Variants in SIN3B observed in about 807,000 individuals in gnomAD.
SIN3B encodes the protein SIN3 transcription regulator family member B, also known as paired amphipathic helix protein Sin3b.
In SIN3B, 19 loss-of-function variants were observed where a neutral mutation model predicts 120.2. The ratio of observed to expected loss-of-function variants is 0.16; its 90% CI spans 0.11 to 0.23. The LOEUF is 0.23. Ranked by LOEUF, SIN3B falls within the 10% of genes least tolerant of loss-of-function variation. SIN3B has a pLI of 1.00. For synonymous variants in SIN3B, 654 were observed against 653.2 expected (o/e 1.00, Z -0.02); for missense variants, 1,073 against 1,573.0 (o/e 0.68, Z 5.38).
rs1431052217 is a variant in SIN3B, at chr19:16,879,315, T to C, written c.*588T>C. On this transcript the variant is annotated 3_prime_UTR_variant, in exon 19 of 19. Coordinates refer to ENST00000248054, the MANE Select transcript of SIN3B (RefSeq NM_001297595.2). Reference sequence around the variant, plus strand: ...TGAGAAGAACCCTTCAGCCAAACCTTTGGGATCCCATTTTGAAGTCCAGAG... The same window carrying C: ...TGAGAAGAACCCTTCAGCCAAACCTCTGGGATCCCATTTTGAAGTCCAGAG... 3 of 152,642 alleles carry C rather than the reference T, an allele frequency of 2.0e-5. No individual in the cohort carries two copies. The highest frequency in any genetic ancestry group is 3.9e-4 in the East Asian group (2 of 5,178). 9.5% of individuals were successfully genotyped at this position (152,642 alleles called of 1,614,324 possible).
At chr19:16,847,652 T>C (rs1029654395) in intron 5 of SIN3B, among the ~76,000 whole-genome samples, 4 of 152,188 alleles carry the variant, frequency 2.6e-5, no homozygotes, top group African/African-American at 4.8e-5. Flanking sequence ...CCCTGCACAG[T>C]CAGCCTTTCT....
intron 3 of SIN3B, among the ~76,000 whole-genome samples, chr19:16,839,179 G>T (rs185752167): frequency 1.4e-4 from 21 of 152,044 alleles, no homozygotes; most frequent in African/African-American, 5.1e-4. Flanking sequence ...TGTTGGCCAG[G>T]CTCGTCTCAA....
intron 12 of SIN3B, among the ~76,000 whole-genome samples, chr19:16,866,779 C>T (rs1397094285): frequency 1.3e-5 from 2 of 152,172 alleles, no homozygotes; most frequent in African/African-American, 4.8e-5. Context: ...TGTTTGGAGA[C>T]AGAGTCTCGC....
At chr19:16,844,102 C>A (rs963427654) in intron 4 of SIN3B, 1 of 152,352 alleles carries the variant, frequency 6.6e-6, no homozygotes, top group Non-Finnish European at 1.5e-5. Context: ...CCTCAGCCCC[C>A]CAAAGTACTG....
At chr19:16,866,223 C>A in intron 11 of SIN3B, 150 bp from the exon 12 acceptor site, 1 of 702,038 alleles carries the variant, frequency 1.4e-6, no homozygotes, top group Non-Finnish European at 2.3e-6. Context: ...CTGACGTGCA[C>A]AGAGCCCACT....
intron 3 of SIN3B, among the ~76,000 whole-genome samples, chr19:16,834,959 G>C (rs758712901): frequency 8.4e-5 from 12 of 142,626 alleles, no homozygotes; most frequent in Non-Finnish European, 1.8e-4. Flanking sequence ...TCAGAGTTTC[G>C]CTCTTTACCC....
intron 3 of SIN3B, among the ~76,000 whole-genome samples, chr19:16,837,931 C>T (rs1364714092): frequency 6.6e-6 from 1 of 152,016 alleles, no homozygotes; most frequent in Non-Finnish European, 1.5e-5. Context: ...TTAATCAGTA[C>T]CCAGGCGGGG....
chr19:16,850,580 G>T (rs927489574), intron 5 of SIN3B, among the ~76,000 whole-genome samples: 2 of 152,086 alleles, frequency 1.3e-5, no homozygotes, highest in South Asian at 4.1e-4. Context: ...CCACACTTTA[G>T]GTCTTTGGGG....
intron 3 of SIN3B, among the ~76,000 whole-genome samples, chr19:16,839,544 C>T (rs117239072): frequency 0.015 from 2,243 of 152,166 alleles, 22 homozygotes; most frequent in Non-Finnish European, 0.025. Context: ...GTGGGGGGCT[C>T]GCAGTGAGCC....
chr19:16,875,032 CTGGTCTGGTCTGGTTT>C (rs1164839918), intron 14 of SIN3B, among the ~76,000 whole-genome samples: 2 of 141,248 alleles, frequency 1.4e-5, no homozygotes, highest in African/African-American at 5.4e-5. Context: ...CTGGTTTGGT[CTGGTCTGGTCTGGTTT>C]TGGTCTGGTT....
intron 14 of SIN3B, among the ~76,000 whole-genome samples, chr19:16,873,329 C>T (rs2051537005): frequency 6.6e-6 from 1 of 152,160 alleles, no homozygotes; most frequent in Non-Finnish European, 1.5e-5. Context: ...GTTCTGACAC[C>T]TTCGCTTCAG....
Position 16,853,164 on chromosome 19 carries a change from G to C in SIN3B, c.939+6G>C. The C allele has an allele frequency of 6.2e-7, 1 of 1,613,440 alleles. No homozygotes were observed. Among genetic ancestry groups the C allele is most frequent in the Non-Finnish European group, 8.5e-7 (1 of 1,179,340 alleles). ...AATTTTCTTTCTTTGACAAGGTGAG[G>C]GTGGGCCCTGGCTTCCATCTTGGGG... On this transcript the variant is annotated splice_donor_region_variant and intron_variant, in intron 7 of 18. Coordinates refer to ENST00000248054, the MANE Select transcript of SIN3B (RefSeq NM_001297595.2).
intron 12 of SIN3B, among the ~76,000 whole-genome samples, chr19:16,868,227 C>T (rs1219085307): frequency 6.6e-6 from 1 of 152,152 alleles, no homozygotes; most frequent in African/African-American, 2.4e-5. Flanking sequence ...CACTGAAGAG[C>T]CCAGAGCAGG....
chr19:16,876,305 AC>A lies in SIN3B; in HGVS notation c.2766+80del. The A allele has an allele frequency of 1.3e-6, 2 of 1,516,260 alleles. No homozygotes were observed. Among genetic ancestry groups the A allele is most frequent in the Non-Finnish European group, 1.8e-6 (2 of 1,121,398 alleles). 93.9% of individuals were successfully genotyped at this position (1,516,260 alleles called of 1,614,324 possible). ...CCGCTCTGGACTCAGTCCTGGGTGG[AC>A]CCTGGTTCAGCGGCTGGGACACCGG... is the stretch of plus-strand genomic sequence containing the variant. On this transcript the variant is annotated intron_variant, in intron 15 of 18. Coordinates refer to ENST00000248054, the MANE Select transcript of SIN3B (RefSeq NM_001297595.2). This position sits in a 1 kb window ranked among gnomAD's most constrained non-coding sequence, Gnocchi z 7.1.
chr19:16,869,507 G>T lies in SIN3B; in HGVS notation c.1854G>T (p.Pro618=). 1 of 1,613,492 alleles carries T rather than the reference G, an allele frequency of 6.2e-7. No homozygotes were observed. The highest frequency in any genetic ancestry group is 8.5e-7 in the Non-Finnish European group (1 of 1,179,766). Residue 618 remains proline, a synonymous_variant, in exon 13 of 19, where the codon CCG becomes CCT. Transcript: ENST00000248054. ...SEGRSAPSSE[P]HLIFVYEDRQ... ...GCCGCAGTGCCCCCTCTAGCGAGCC[G>T]CACCTCATCTTTGTGTACGAGGACC...
rs141001345 is a variant in SIN3B, at chr19:16,878,552, G to A, written c.3218G>A (p.Arg1073His). 63 of 1,604,806 alleles carry A rather than the reference G, an allele frequency of 3.9e-5. No individual in the cohort carries two copies. Among genetic ancestry groups the A allele is most frequent in the Non-Finnish European group, 5.0e-5 (59 of 1,175,982 alleles). ...HHQHFEEWHS[R>H]WLEDNVTVEA... ...CAGCACTTTGAGGAGTGGCACAGCC[G>A]CTGGCTGGAGGACAATGTGACGGTG... Residue 1073 changes from arginine to histidine, a missense_variant, in exon 19 of 19, where the codon CGC (arginine) becomes CAC (histidine). Around this residue, in one of 7 missense-constraint regions of SIN3B, gnomAD observed 311 missense variants for 400.3 expected, o/e 0.78. Coordinates refer to ENST00000248054, the MANE Select transcript of SIN3B (RefSeq NM_001297595.2).
chr19:16,865,304 A>AC (rs1201293492), intron 10 of SIN3B, 106 bp from the exon 11 acceptor site: 9,688 of 459,250 alleles, frequency 0.021, 63 homozygotes, highest in South Asian at 0.024. Context: ...TTAAATACAC[A>AC]CACCCCCCCC....
chr19:16,844,920 G>A (rs1164517904), intron 4 of SIN3B, among the ~76,000 whole-genome samples: 5 of 152,158 alleles, frequency 3.3e-5, no homozygotes, highest in Non-Finnish European at 5.9e-5. Context: ...TAGCACAGGG[G>A]AACGCTGAGA....
intron 5 of SIN3B, among the ~76,000 whole-genome samples, chr19:16,848,255 T>C (rs558126894): frequency 6.6e-6 from 1 of 152,314 alleles, no homozygotes; most frequent in African/African-American, 2.4e-5. Context: ...TCAGTTCTTT[T>C]GGGTAGACAC....
Sources: gnomAD v4.1 joint callset for allele counts (sites outside exome capture counted in the v4.1 genomes callset) on GRCh38, gnomAD v4.1.1 for gene constraint, gnomAD v4.1.1 regional missense constraint, Gnocchi (gnomAD v3.1) non-coding constraint, MANE v1.5 for transcripts, NCBI Gene and HGNC (gene_info 2026-07-23, HGNC 2026-07-21) for gene names.